Variants in LRRIQ1 observed in about 807,000 individuals in gnomAD.
LRRIQ1 encodes leucine-rich repeat- and IQ domain-containing protein 1.
A neutral mutation model predicts 211.9 loss-of-function variants in LRRIQ1; 210 were observed. The ratio of observed to expected loss-of-function variants is 0.99; its 90% CI spans 0.89 to 1.11. The LOEUF (loss-of-function observed/expected upper bound fraction) is 1.11, where lower values mean the gene tolerates loss of function less well. Among genes scored for constraint, LRRIQ1 ranks in the 50% most tolerant of loss-of-function variants. LRRIQ1 has a pLI of 0.00. For missense variants in LRRIQ1, 2,136 were observed against 1,939.5 expected, an observed-to-expected ratio of 1.10 and a Z score of -1.90; for synonymous variants, 699 against 650.1, an observed-to-expected ratio of 1.08 and a Z score of -1.14.
intron 11 of LRRIQ1, among the ~76,000 whole-genome samples, chr12:85,083,948 T>G (rs1331051916): frequency 6.6e-6 from 1 of 152,206 alleles, no homozygotes; most frequent in African/African-American, 2.4e-5. Flanking sequence ...TTTCTACTTG[T>G]ATTTATCATA....
intron 24 of LRRIQ1, among the ~76,000 whole-genome samples, chr12:85,197,293 G>A (rs1300799452): frequency 7.3e-5 from 11 of 150,922 alleles, no homozygotes; most frequent in Admixed American, 1.3e-4. Context: ...ATCTAGAACT[G>A]GAAATACCAT....
At chr12:85,045,516 T>C (rs1222761082) in intron 4 of LRRIQ1, among the ~76,000 whole-genome samples, 1 of 151,940 alleles carries the variant, frequency 6.6e-6, no homozygotes, top group African/African-American at 2.4e-5. Context: ...TGTTACTTCC[T>C]TGGAATAAAT....
chr12:85,075,760 G>C (rs377244141), intron 11 of LRRIQ1, among the ~76,000 whole-genome samples: 1 of 151,898 alleles, frequency 6.6e-6, no homozygotes, highest in Non-Finnish European at 1.5e-5. Flanking sequence ...CCAGCTACTC[G>C]GGAGGCTGAG....
chr12:85,058,573 C>G (rs1235747794), intron 8 of LRRIQ1, among the ~76,000 whole-genome samples: 1 of 151,956 alleles, frequency 6.6e-6, no homozygotes, highest in Admixed American at 6.6e-5. Context: ...TCTGTTCTGT[C>G]CAATGAGAAG....
chr12:85,156,577 AACTT>A (rs1308195920), intron 23 of LRRIQ1, among the ~76,000 whole-genome samples: 22 of 151,860 alleles, frequency 1.4e-4, no homozygotes, highest in Non-Finnish European at 2.8e-4. Flanking sequence ...ATATACCATT[AACTT>A]ACTTGCATCT....
intron 1 of LRRIQ1, among the ~76,000 whole-genome samples, chr12:85,260,129 T>TTAAA (rs1555231664): frequency 1.7e-5 from 2 of 115,598 alleles, no homozygotes; most frequent in African/African-American, 6.4e-5. Context: ...TCATGTTGGT[T>TTAAA]AAAAAAAAAA....
chr12:85,170,427 A>G (rs1232253949), intron 24 of LRRIQ1, among the ~76,000 whole-genome samples: 1 of 151,010 alleles, frequency 6.6e-6, no homozygotes, highest in East Asian at 1.9e-4. Context: ...CATATATACT[A>G]TGCATATACA....
At chr12:85,165,356 A>G (rs1891100754) in intron 24 of LRRIQ1, among the ~76,000 whole-genome samples, 1 of 149,928 alleles carries the variant, frequency 6.7e-6, no homozygotes, top group South Asian at 2.1e-4. Context: ...TGTGTACCTG[A>G]TGTTTAGCTC....
intron 24 of LRRIQ1, among the ~76,000 whole-genome samples, chr12:85,193,335 C>A (rs1892704627): frequency 8.4e-6 from 1 of 118,470 alleles, no homozygotes; most frequent in African/African-American, 3.3e-5. Context: ...CACAAAGATA[C>A]TCCTCGAGAA....
At chr12:85,211,638 T>G (rs1565906049) in intron 24 of LRRIQ1, among the ~76,000 whole-genome samples, 1 of 152,172 alleles carries the variant, frequency 6.6e-6, no homozygotes, top group Non-Finnish European at 1.5e-5. Flanking sequence ...TTTTTATATT[T>G]ACTGTATTCA....
intron 19 of LRRIQ1, among the ~76,000 whole-genome samples, chr12:85,147,337 A>T (rs1889957838): frequency 6.6e-6 from 1 of 151,828 alleles, no homozygotes; most frequent in South Asian, 2.1e-4. Context: ...CAAGTCTGAT[A>T]TAAAAAGTAG....
intron 11 of LRRIQ1, among the ~76,000 whole-genome samples, chr12:85,084,706 A>G (rs1884632827): frequency 6.6e-6 from 1 of 152,054 alleles, no homozygotes; most frequent in Non-Finnish European, 1.5e-5. Context: ...GAGGCAGATC[A>G]CCTGACGTCA....
chr12:85,036,566 C>T (rs74873900), intron 1 of LRRIQ1, among the ~76,000 whole-genome samples, 159 bp downstream of exon 1: 4,168 of 152,108 alleles, frequency 0.027, 187 homozygotes, highest in African/African-American at 0.095. Flanking sequence ...CTCGAGGCTC[C>T]CTTCCACCCT....
At chr12:85,100,561 C>A (rs1299589078) in intron 13 of LRRIQ1, among the ~76,000 whole-genome samples, 5 of 151,576 alleles carry the variant, frequency 3.3e-5, no homozygotes, top group Admixed American at 3.3e-4. Context: ...AGCATTTTGG[C>A]ATAAAAGAAC....
At chr12:85,129,054 T>C (rs1888576728) in intron 18 of LRRIQ1, among the ~76,000 whole-genome samples, 1 of 152,172 alleles carries the variant, frequency 6.6e-6, no homozygotes, top group South Asian at 2.1e-4. Context: ...CTTTCTGTTG[T>C]CCAGGAACTT....
intron 19 of LRRIQ1, among the ~76,000 whole-genome samples, chr12:85,150,713 A>G (rs1890185041): frequency 6.6e-6 from 1 of 151,674 alleles, no homozygotes; most frequent in African/African-American, 2.4e-5. Context: ...TGAGGATGAG[A>G]AGGAGGAATA....
chr12:85,103,768 TGAATA>T (rs1263725826), intron 13 of LRRIQ1, among the ~76,000 whole-genome samples: 1 of 151,670 alleles, frequency 6.6e-6, no homozygotes, highest in Non-Finnish European at 1.5e-5. Context: ...TTTTACAAAA[TGAATA>T]GAAGTCTTCC....
downstream of LRRIQ1, among the ~76,000 whole-genome samples, chr12:85,248,825 A>G (rs990041062): frequency 6.6e-5 from 10 of 151,676 alleles, no homozygotes; most frequent in Admixed American, 5.9e-4. Flanking sequence ...TTTAAGCAAA[A>G]GTAAAGGATA....
At chr12:85,231,308 T>G (rs1217722554) in intron 25 of LRRIQ1, among the ~76,000 whole-genome samples, 1 of 152,146 alleles carries the variant, frequency 6.6e-6, no homozygotes, top group Non-Finnish European at 1.5e-5. Flanking sequence ...CATATGGAAA[T>G]GAAAATAAAA....
Sources: gnomAD v4.1 joint callset for allele counts (sites outside exome capture counted in the v4.1 genomes callset) on GRCh38, gnomAD v4.1.1 for gene constraint, MANE v1.5 for transcripts, NCBI Gene and HGNC (gene_info 2026-07-23, HGNC 2026-07-21) for gene names.